Variants in TTLL7 observed in about 807,000 individuals in gnomAD.
The protein encoded by TTLL7 is tubulin polyglutamylase TTLL7.
A neutral mutation model predicts 120.2 loss-of-function variants in TTLL7; 53 were observed. That is an observed-to-expected ratio of 0.44 (90% CI 0.35 to 0.55). The LOEUF (loss-of-function observed/expected upper bound fraction) is 0.55, where lower values mean the gene tolerates loss of function less well. Among genes scored for constraint, TTLL7 ranks in the 20% least tolerant of loss-of-function variants. The probability of loss-of-function intolerance (pLI) is 0.00; values close to 1 mark genes in which losing one functional copy is unlikely to be tolerated. For missense variants in TTLL7, 803 were observed against 1,054.7 expected (o/e 0.76, Z 3.31); for synonymous variants, 353 against 351.7 (o/e 1.00, Z -0.04).
Position 83,917,507 on chromosome 1 carries a change from C to G in TTLL7, c.1587+97G>C, listed in dbSNP as rs554621703. 1.8e-4 allele frequency: 150 copies of G among 847,806 alleles called. 2 individuals are homozygous for G. In the South Asian group the frequency reaches 2.5e-3, roughly 14 times the overall value. 52.5% of individuals were successfully genotyped at this position (847,806 alleles called of 1,614,324 possible). ...CACTGGGCACACAGTCCCTGTGGTTCCTTTTTTAAAGCAGCACCAGTCTTT... is the reference window on the plus strand; with the variant it reads ...CACTGGGCACACAGTCCCTGTGGTTGCTTTTTTAAAGCAGCACCAGTCTTT... On this transcript the variant is annotated intron_variant, in intron 14 of 20. Coordinates refer to ENST00000260505, the MANE Select transcript of TTLL7 (RefSeq NM_024686.6).
At chr1:83,886,573 T>C (rs1654993455) in intron 19 of TTLL7, among the ~76,000 whole-genome samples, 1 of 152,010 alleles carries the variant, frequency 6.6e-6, no homozygotes, top group Non-Finnish European at 1.5e-5. Flanking sequence ...CGCCTTAGAA[T>C]ATTCCTTAAA....
chr1:83,870,466 G>C (rs1203346654), intron 20 of TTLL7, among the ~76,000 whole-genome samples: 1 of 152,164 alleles, frequency 6.6e-6, no homozygotes, highest in Non-Finnish European at 1.5e-5. Context: ...TTTGTTTCAA[G>C]GGAGGCGGAA....
chr1:83,947,016 C>T (rs1481665940), intron 6 of TTLL7, 108 bp downstream of exon 6: 15 of 840,802 alleles, frequency 1.8e-5, no homozygotes, highest in Admixed American at 1.1e-4. Flanking sequence ...AAACCTATTT[C>T]GTTATTTTTT....
intron 10 of TTLL7, among the ~76,000 whole-genome samples, chr1:83,928,107 T>G (rs967064557): frequency 6.6e-6 from 1 of 152,126 alleles, no homozygotes; most frequent in Non-Finnish European, 1.5e-5. Context: ...CCACAGATAA[T>G]GTCCTGAATT....
chr1:83,945,672 GC>G (rs1648421118), intron 6 of TTLL7, among the ~76,000 whole-genome samples: 1 of 151,976 alleles, frequency 6.6e-6, no homozygotes, highest in Non-Finnish European at 1.5e-5. Context: ...TCAGTTATCT[GC>G]TTTTCCAGCT....
At chr1:83,931,153 C>T (rs913916441) in intron 9 of TTLL7, among the ~76,000 whole-genome samples, 2 of 151,732 alleles carry the variant, frequency 1.3e-5, no homozygotes, top group African/African-American at 4.8e-5. Context: ...CATTTCCTAC[C>T]CCAATTCTAA....
chr1:83,998,987 G>A lies in TTLL7; in HGVS notation c.-233C>T, dbSNP rs549213661. 4.5e-6 allele frequency: 2 copies of A among 443,748 alleles called. No homozygotes were observed. Among genetic ancestry groups the A allele is most frequent in the South Asian group, 1.6e-5 (1 of 62,450 alleles). 27.5% of individuals were successfully genotyped at this position (443,748 alleles called of 1,614,324 possible). On this transcript the variant is annotated 5_prime_UTR_variant, in exon 1 of 21. Transcript: ENST00000260505. ...CGTCCCCGCTGCAAGCGGTCCCCCAGGTGCTCCCGCGCCTCGCAGCTTCCC... is the reference window on the plus strand; with the variant it reads ...CGTCCCCGCTGCAAGCGGTCCCCCAAGTGCTCCCGCGCCTCGCAGCTTCCC...
intron 1 of TTLL7, among the ~76,000 whole-genome samples, chr1:83,996,601 A>C (rs1342085969): frequency 6.6e-6 from 1 of 152,188 alleles, no homozygotes; most frequent in Non-Finnish European, 1.5e-5. Context: ...GTAGGTCTGC[A>C]CCACCCTTTT....
At chr1:83,919,259 A>AGT (rs111745254) in intron 13 of TTLL7, among the ~76,000 whole-genome samples, 22,541 of 146,922 alleles carry the variant, frequency 0.15, 2,047 homozygotes, top group African/African-American at 0.26. Context: ...TACAGATTAG[A>AGT]GTGTGTGTGT....
At position 83,911,192 on chromosome 1, in the gene TTLL7, T is replaced by C. The variant is rs768890502; in HGVS notation, c.1759A>G (p.Asn587Asp). Reference sequence around the variant, plus strand: ...GGTTGTTGAATTAATTTGTAGTGGTTGGAGGGTTTAAGATTATATGTAACT... The same window carrying C: ...GGTTGTTGAATTAATTTGTAGTGGTCGGAGGGTTTAAGATTATATGTAACT... ...KQVTYNLKPS[N>D]HYKLIQQPSS... The change falls in exon 15 of 21, where the codon AAC becomes GAC. Residue 587 changes from asparagine to aspartate, a missense_variant. Physicochemically the swap from Asn to Asp is conservative, Grantham distance 23. Coordinates refer to ENST00000260505, the MANE Select transcript of TTLL7 (RefSeq NM_024686.6). The C allele has an allele frequency of 2.5e-6, 4 of 1,610,920 alleles. No individual in the cohort carries two copies. Among genetic ancestry groups the C allele is most frequent in the Admixed American group, 3.3e-5 (2 of 59,950 alleles).
intron 18 of TTLL7, among the ~76,000 whole-genome samples, chr1:83,890,728 C>T (rs1655394940): frequency 6.6e-6 from 1 of 151,824 alleles, no homozygotes; most frequent in Admixed American, 6.6e-5. Context: ...AAGCCATGAT[C>T]AAAAGTAAAA....
rs1157106113 is a variant in TTLL7, at chr1:83,993,306, A to C, written c.-177+5625T>G. Among the ~76,000 whole-genome samples, 6 of 152,316 alleles carry C rather than the reference A, an allele frequency of 3.9e-5. No individual in the cohort carries two copies. The East Asian group carries it at 1.2e-3, about 29-fold the overall frequency. ...TAGATTACTGCTGAGCCACCTTCCA[A>C]ATCTAAAAATGCTCAATTTACTTTA... On this transcript the variant is annotated intron_variant, in intron 1 of 20. Transcript: ENST00000260505.
intron 15 of TTLL7, among the ~76,000 whole-genome samples, chr1:83,909,369 C>A (rs1391236103): frequency 7.4e-6 from 1 of 134,468 alleles, no homozygotes; most frequent in African/African-American, 2.8e-5. Context: ...CACAAAAAAT[C>A]TTTGTAACTT....
chr1:83,921,635 G>A (rs1658679819), intron 10 of TTLL7, among the ~76,000 whole-genome samples: 1 of 152,072 alleles, frequency 6.6e-6, no homozygotes, highest in Non-Finnish European at 1.5e-5. Context: ...ATGTTTTAGA[G>A]GATCAGAGAG....
At chr1:83,905,376 T>G (rs1201352549) in intron 17 of TTLL7, among the ~76,000 whole-genome samples, 1 of 151,712 alleles carries the variant, frequency 6.6e-6, no homozygotes, top group Non-Finnish European at 1.5e-5. Context: ...AGCAAGAAAG[T>G]CTCTTTTATT....
At chr1:83,927,515 G>GA (rs1319169288) in intron 10 of TTLL7, among the ~76,000 whole-genome samples, 1 of 152,046 alleles carries the variant, frequency 6.6e-6, no homozygotes, top group African/African-American at 2.4e-5. Flanking sequence ...AGCTATGTGG[G>GA]AAAAATAATG....
intron 19 of TTLL7, chr1:83,889,907 A>G (rs1322455865): frequency 2.2e-6 from 1 of 457,418 alleles, no homozygotes; most frequent in East Asian, 6.9e-5. Context: ...CCAAGAAAGG[A>G]AGCCATTTCC....
chr1:83,993,475 T>C (rs1653188198), intron 1 of TTLL7, among the ~76,000 whole-genome samples: 1 of 152,208 alleles, frequency 6.6e-6, no homozygotes, highest in African/African-American at 2.4e-5. Flanking sequence ...ATTTTCTAAA[T>C]AATCCTTTGT....
At chr1:83,957,144 T>C (rs916078868) in intron 1 of TTLL7, among the ~76,000 whole-genome samples, 1 of 152,200 alleles carries the variant, frequency 6.6e-6, no homozygotes, top group Non-Finnish European at 1.5e-5. Context: ...GTAAAAGATT[T>C]ATTCTTTCCA....
Sources: gnomAD v4.1 joint callset for allele counts (sites outside exome capture counted in the v4.1 genomes callset) on GRCh38, gnomAD v4.1.1 for gene constraint, MANE v1.5 for transcripts, NCBI Gene and HGNC (gene_info 2026-07-23, HGNC 2026-07-21) for gene names.